The following GKAP1 variants were observed in gnomAD, a reference collection of about 807,000 sequenced individuals.
The protein encoded by GKAP1 is G kinase-anchoring protein 1.
Under a neutral mutation model 56.7 loss-of-function variants are expected in GKAP1, and 31 were observed. That is an observed-to-expected ratio of 0.55 (90% CI 0.41 to 0.74). The LOEUF (loss-of-function observed/expected upper bound fraction) is 0.74, where lower values mean the gene tolerates loss of function less well. Ranked by LOEUF, GKAP1 falls within the 30% of genes least tolerant of loss-of-function variation. GKAP1 has a pLI of 0.00. For synonymous variants in GKAP1, 151 were observed against 138.6 expected, an observed-to-expected ratio of 1.09 and a Z score of -0.63; for missense variants, 364 against 402.3, an observed-to-expected ratio of 0.90 and a Z score of 0.82.
chr9:83,744,748 G>T (rs1402949223), intron 10 of GKAP1, among the ~76,000 whole-genome samples: 1 of 152,144 alleles, frequency 6.6e-6, no homozygotes, highest in Non-Finnish European at 1.5e-5. Flanking sequence ...AACTGCCTGA[G>T]AATGGGTAAT....
chr9:83,811,125 A>T (rs1055313833), intron 2 of GKAP1, among the ~76,000 whole-genome samples: 3 of 152,276 alleles, frequency 2.0e-5, no homozygotes, highest in African/African-American at 4.8e-5. Flanking sequence ...TACTATTCTT[A>T]TTAGACTGAA....
chr9:83,750,440 G>A (rs992401215), intron 9 of GKAP1, among the ~76,000 whole-genome samples: 2 of 152,120 alleles, frequency 1.3e-5, no homozygotes, highest in East Asian at 1.9e-4. Context: ...AGTCAAAGAC[G>A]TGCTCTTCCT....
intron 8 of GKAP1, among the ~76,000 whole-genome samples, chr9:83,757,671 A>C (rs922397072): frequency 6.6e-6 from 1 of 152,214 alleles, no homozygotes; most frequent in Non-Finnish European, 1.5e-5. Flanking sequence ...GGTGTAACAC[A>C]TTATATGGCA....
intron 8 of GKAP1, among the ~76,000 whole-genome samples, chr9:83,765,703 C>T (rs1021512365): frequency 3.3e-5 from 5 of 152,140 alleles, no homozygotes; most frequent in Admixed American, 6.6e-5. Context: ...TTAATGACTG[C>T]CCTTTTGGAT....
chr9:83,788,940 T>C (rs1031378410), intron 4 of GKAP1: 11 of 251,386 alleles, frequency 4.4e-5, no homozygotes, highest in African/African-American at 2.4e-4. Flanking sequence ...CTTTTTACCT[T>C]AATAAAAAAA....
chr9:83,757,445 T>A (rs985060872), intron 8 of GKAP1, among the ~76,000 whole-genome samples: 1 of 152,364 alleles, frequency 6.6e-6, no homozygotes, highest in South Asian at 2.1e-4. Context: ...TGTCACATAC[T>A]CTGACATTTT....
At chr9:83,778,969 T>C (rs963339468) in intron 7 of GKAP1, among the ~76,000 whole-genome samples, 15 of 152,086 alleles carry the variant, frequency 9.9e-5, no homozygotes, top group Non-Finnish European at 1.6e-4. Flanking sequence ...AGGTAGGATC[T>C]TGTCAGTTTG....
chr9:83,753,221 G>T (rs368564621), intron 9 of GKAP1, 37 bp downstream of exon 9: 40 of 1,207,338 alleles, frequency 3.3e-5, no homozygotes, highest in Non-Finnish European at 4.4e-5. Context: ...AAAATTTATA[G>T]AATTATTTTC....
At chr9:83,776,384 TA>T (rs1226501417) in intron 7 of GKAP1, among the ~76,000 whole-genome samples, 1 of 151,712 alleles carries the variant, frequency 6.6e-6, no homozygotes, top group East Asian at 1.9e-4. Context: ...TTTAATAACC[TA>T]AAAAAAAGAA....
chr9:83,789,507 A>G (rs771226891), intron 4 of GKAP1, among the ~76,000 whole-genome samples: 1 of 152,208 alleles, frequency 6.6e-6, no homozygotes, highest in Non-Finnish European at 1.5e-5. Context: ...GTCTATGTGT[A>G]CAGGATAACA....
chr9:83,800,148 C>A (rs957186758), intron 3 of GKAP1, among the ~76,000 whole-genome samples: 10 of 152,002 alleles, frequency 6.6e-5, no homozygotes, highest in African/African-American at 2.4e-4. Context: ...CCACTCCCAA[C>A]AATAAAAATA....
Position 83,751,132 on chromosome 9 carries a change from G to A in GKAP1, c.840+2126C>T, listed in dbSNP as rs1263704393. Reference sequence around the variant, plus strand: ...TTAACAGGTGTGAGCCACCATGCCCGGCCTAAAGACCTCTCTAAAATCCAA... The same window carrying A: ...TTAACAGGTGTGAGCCACCATGCCCAGCCTAAAGACCTCTCTAAAATCCAA... On this transcript the variant is annotated intron_variant, in intron 9 of 12. Transcript: ENST00000376371. 3.3e-5 allele frequency among the ~76,000 whole-genome samples: 5 copies of A among 152,184 alleles called. No homozygotes were observed. The South Asian group carries it at 6.2e-4, about 19-fold the overall frequency.
intron 8 of GKAP1, among the ~76,000 whole-genome samples, chr9:83,765,299 G>A (rs971011409): frequency 2.6e-5 from 4 of 152,246 alleles, no homozygotes; most frequent in Non-Finnish European, 5.9e-5. Context: ...CCTCTGCCTA[G>A]ATTTCAGAGG....
At chr9:83,795,493 A>C (rs1353024742) in intron 4 of GKAP1, among the ~76,000 whole-genome samples, 1 of 149,258 alleles carries the variant, frequency 6.7e-6, no homozygotes, top group Non-Finnish European at 1.5e-5. Context: ...CTTTATTTAG[A>C]TTTTCTTTTT....
intron 9 of GKAP1, among the ~76,000 whole-genome samples, chr9:83,751,920 G>A (rs556286038): frequency 6.6e-5 from 10 of 152,122 alleles, no homozygotes; most frequent in Admixed American, 2.6e-4. Flanking sequence ...GCAGTTCCTC[G>A]AAAAGTTAAA....
chr9:83,744,969 A>G (rs1406305380), intron 10 of GKAP1, among the ~76,000 whole-genome samples: 1 of 152,150 alleles, frequency 6.6e-6, no homozygotes, highest in East Asian at 1.9e-4. Context: ...CCATGATTCA[A>G]TTATCTCCAT....
At chr9:83,817,338 G>A (rs778886098) in intron 1 of GKAP1, 179 bp downstream of exon 1, 8 of 151,862 alleles carry the variant, frequency 5.3e-5, no homozygotes, top group Non-Finnish European at 8.8e-5. Context: ...GCCGAGCGTC[G>A]GGCCGCGGCC....
intron 8 of GKAP1, among the ~76,000 whole-genome samples, chr9:83,765,671 G>C (rs1317722716): frequency 6.6e-6 from 1 of 152,186 alleles, no homozygotes; most frequent in Non-Finnish European, 1.5e-5. Context: ...AGTCAAAGGA[G>C]ATCATTTCGG....
At chr9:83,745,179 C>A (rs1360342937) in intron 10 of GKAP1, among the ~76,000 whole-genome samples, 2 of 152,062 alleles carry the variant, frequency 1.3e-5, no homozygotes, top group Non-Finnish European at 2.9e-5. Context: ...CATAGGCGTG[C>A]ACCACCATGC....
Sources: allele counts gnomAD v4.1 joint callset (sites outside exome capture counted in the v4.1 genomes callset), GRCh38; gene constraint gnomAD v4.1.1; transcripts MANE v1.5; gene names NCBI Gene and HGNC (gene_info 2026-07-23, HGNC 2026-07-21).